SYNRG: variants seen among roughly 807,000 people sequenced by gnomAD.
SYNRG encodes the protein AP1 gamma subunit binding protein 1.
In SYNRG, 37 loss-of-function variants were observed where a neutral mutation model predicts 130.9. The ratio of observed to expected loss-of-function variants is 0.28; its 90% CI spans 0.22 to 0.37. SYNRG has a LOEUF of 0.37. Among genes scored for constraint, SYNRG ranks in the 10% least tolerant of loss-of-function variants. The pLI, the probability that SYNRG is intolerant of heterozygous loss-of-function variation, is 1.00. For synonymous variants in SYNRG, 539 were observed against 568.1 expected (o/e 0.95, Z 0.73); for missense variants, 1,338 against 1,588.9 (o/e 0.84, Z 2.68).
rs2054536621 is a variant in SYNRG at position 37,517,749 on chromosome 17, A to G, written c.*1191T>C. 6.6e-6 allele frequency: 1 copy of G among 152,108 alleles called. No individual in the cohort carries two copies. 9.4% of individuals were successfully genotyped at this position (152,108 alleles called of 1,614,324 possible). ...ACGAGATTGAAAAATCTCTTCATAAAGCGCATAATCAACAATTCAGAGAGA... is the reference window on the plus strand; with the variant it reads ...ACGAGATTGAAAAATCTCTTCATAAGGCGCATAATCAACAATTCAGAGAGA... On this transcript the variant is annotated 3_prime_UTR_variant, in exon 22 of 22. Transcript: ENST00000612223.
intron 3 of SYNRG, among the ~76,000 whole-genome samples, chr17:37,590,876 C>T (rs1264692476): frequency 3.3e-5 from 5 of 151,944 alleles, no homozygotes; most frequent in East Asian, 3.9e-4. Context: ...GTCGAGATCG[C>T]GCCACTGCAC....
chr17:37,577,218 T>A (rs963007394), intron 7 of SYNRG, among the ~76,000 whole-genome samples, 162 bp downstream of exon 7: 13 of 152,142 alleles, frequency 8.5e-5, no homozygotes, highest in Non-Finnish European at 1.8e-4. Context: ...CAGAGCAAAA[T>A]CTTAGGGGTT....
In SYNRG at chr17:37,588,755, T is replaced by TA. The variant is rs71284911; in HGVS notation, c.241-2207dup. ...CTAGAATTATTCTTTTTTTTTTTTT[T>TA]ACTCATTTCACCCAAAGTATATAAA... is the stretch of plus-strand genomic sequence containing the variant. On this transcript the variant is annotated intron_variant, in intron 3 of 21. Coordinates refer to ENST00000612223, the MANE Select transcript of SYNRG (RefSeq NM_007247.6). 7.1e-3 allele frequency among the ~76,000 whole-genome samples: 1,082 copies of TA among 151,796 alleles called. 4 individuals carry two copies. Among genetic ancestry groups the TA allele is most frequent in the South Asian group, 0.02 (96 of 4,782 alleles).
intron 6 of SYNRG, among the ~76,000 whole-genome samples, chr17:37,577,928 G>A (rs1010396878): frequency 6.6e-6 from 1 of 151,238 alleles, no homozygotes; most frequent in Non-Finnish European, 1.5e-5. Flanking sequence ...TCGAACTCCT[G>A]ACCTGAGGTG....
intron 14 of SYNRG, 78 bp from the exon 15 acceptor site, chr17:37,542,643 C>G: frequency 4.7e-6 from 5 of 1,063,614 alleles, no homozygotes; most frequent in Non-Finnish European, 6.8e-6. Flanking sequence ...AAGCAAAATG[C>G]CTAGCATATT....
chr17:37,596,964 T>C (rs532094898), intron 2 of SYNRG, among the ~76,000 whole-genome samples: 4 of 152,076 alleles, frequency 2.6e-5, no homozygotes, highest in Non-Finnish European at 4.4e-5. Context: ...GCCAGGGTGG[T>C]CTTGAACTCC....
intron 19 of SYNRG, among the ~76,000 whole-genome samples, chr17:37,534,556 T>G (rs2057006036): frequency 6.6e-6 from 1 of 152,224 alleles, no homozygotes; most frequent in African/African-American, 2.4e-5. Context: ...AAGAATTTCA[T>G]TATCACCAAG....
In SYNRG at chr17:37,516,404, C is replaced by T. The variant is rs2054429625; in HGVS notation, c.*2536G>A. 1.3e-5 allele frequency: 2 copies of T among 152,128 alleles called. No homozygotes were observed. The highest frequency in any genetic ancestry group is 2.9e-5 in the Non-Finnish European group (2 of 68,004). The allele number at this position is 152,128 out of a possible 1,614,324, so 9.4% of individuals were successfully genotyped here. ...TAGTGAATACTTTTCATAGCAAAGG[C>T]TTTTTTTCTGTTGACATCTGCTGAA... On this transcript the variant is annotated 3_prime_UTR_variant, in exon 22 of 22. Coordinates refer to ENST00000612223, the MANE Select transcript of SYNRG (RefSeq NM_007247.6).
rs201895385 is a variant in SYNRG, at chr17:37,520,535, T to C, written c.3777+3A>G. The C allele has an allele frequency of 4.1e-3, 6,579 of 1,613,966 alleles. 24 individuals carry two copies. The highest frequency in any genetic ancestry group is 5.1e-3 in the Non-Finnish European group (6,041 of 1,179,876). ...CTGTCTGCAAGGAGGCTGCGTGACT[T>C]ACCCGGCTCCTCGAGTCCACATTCA... is the stretch of plus-strand genomic sequence containing the variant. On this transcript the variant is annotated splice_donor_region_variant and intron_variant, in intron 20 of 21. Coordinates refer to ENST00000612223, the MANE Select transcript of SYNRG (RefSeq NM_007247.6).
At chr17:37,563,537 T>C (rs1310040932) in intron 11 of SYNRG, among the ~76,000 whole-genome samples, 2 of 152,182 alleles carry the variant, frequency 1.3e-5, no homozygotes, top group African/African-American at 4.8e-5. Flanking sequence ...TTTATTTATT[T>C]ATTTTTTTGA....
intron 18 of SYNRG, 127 bp from the exon 19 acceptor site, chr17:37,536,254 C>G (rs949135511): frequency 1.7e-6 from 2 of 1,174,248 alleles, no homozygotes; most frequent in Non-Finnish European, 1.2e-6. Flanking sequence ...GGTGTACTTA[C>G]TATTCTTTGG....
At chr17:37,545,302 A>G (rs749468539) in intron 14 of SYNRG, among the ~76,000 whole-genome samples, 25 of 152,144 alleles carry the variant, frequency 1.6e-4, no homozygotes, top group Non-Finnish European at 3.1e-4. Context: ...AGGGTGAGGC[A>G]GGAGAATCGC....
At chr17:37,576,891 T>A (rs563880806) in intron 7 of SYNRG, among the ~76,000 whole-genome samples, 1 of 152,190 alleles carries the variant, frequency 6.6e-6, no homozygotes, top group Non-Finnish European at 1.5e-5. Flanking sequence ...CAATAAAATA[T>A]CCTCCCAAAA....
At chr17:37,524,988 G>A (rs1425292524) in intron 19 of SYNRG, among the ~76,000 whole-genome samples, 1 of 152,140 alleles carries the variant, frequency 6.6e-6, no homozygotes, top group Admixed American at 6.5e-5. Context: ...AAAGGCATAA[G>A]GAAAGCAAAT....
rs1443120899 is a variant in SYNRG, at chr17:37,515,309, C to T, written c.*3631G>A. 6.6e-6 allele frequency: 1 copy of T among 152,144 alleles called. No homozygotes were observed. The highest frequency in any genetic ancestry group is 1.5e-5 in the Non-Finnish European group (1 of 68,030). 9.4% of individuals were successfully genotyped at this position (152,144 alleles called of 1,614,324 possible). The stretch of plus-strand genomic sequence containing the variant: ...AAGTAAGTAACTTAAACATAAAAAA[C>T]ATAGTCGACACACATCTTGCCCTGC... On this transcript the variant is annotated 3_prime_UTR_variant, in exon 22 of 22. Transcript: ENST00000612223.
At chr17:37,593,565 A>C (rs1166000822) in intron 3 of SYNRG, among the ~76,000 whole-genome samples, 1 of 151,984 alleles carries the variant, frequency 6.6e-6, no homozygotes, top group Non-Finnish European at 1.5e-5. Flanking sequence ...GGGGAAATAA[A>C]ATCTGGATGT....
chr17:37,550,454 C>A (rs758551673), intron 14 of SYNRG, among the ~76,000 whole-genome samples: 40 of 152,122 alleles, frequency 2.6e-4, no homozygotes, highest in Non-Finnish European at 3.8e-4. Context: ...CCAGGTATTT[C>A]TTTGGTCTAA....
At chr17:37,527,159 T>C (rs1300130886) in intron 19 of SYNRG, among the ~76,000 whole-genome samples, 1 of 152,238 alleles carries the variant, frequency 6.6e-6, no homozygotes, top group East Asian at 1.9e-4. Flanking sequence ...AACAGTGGAA[T>C]CAGAGAGCCT....
intron 1 of SYNRG, among the ~76,000 whole-genome samples, chr17:37,602,725 G>A (rs765414519): frequency 4.6e-5 from 7 of 151,942 alleles, no homozygotes; most frequent in South Asian, 2.1e-4. Flanking sequence ...GGATTAACAC[G>A]CGAAGGAGCA....
Sources: allele counts gnomAD v4.1 joint callset (sites outside exome capture counted in the v4.1 genomes callset), GRCh38; gene constraint gnomAD v4.1.1; transcripts MANE v1.5; gene names NCBI Gene and HGNC (gene_info 2026-07-23, HGNC 2026-07-21).